Variants in CNTN4 observed in about 807,000 individuals in gnomAD.
CNTN4 encodes the protein contactin 4.
In CNTN4, 77 loss-of-function variants were observed where a neutral mutation model predicts 122.5. The observed-to-expected ratio is 0.63, with a 90% CI of 0.52 to 0.76. The LOEUF is 0.76. Ranked by LOEUF, CNTN4 falls within the 30% of genes least tolerant of loss-of-function variation. The pLI is 0.00. For missense variants in CNTN4, 1,256 were observed against 1,259.1 expected (o/e 1.00, Z 0.04); for synonymous variants, 512 against 447.0 (o/e 1.15, Z -1.83).
chr3:2,719,298 C>CTTTT (rs59683109), intron 4 of CNTN4, among the ~76,000 whole-genome samples: 1 of 141,100 alleles, frequency 7.1e-6, no homozygotes, highest in Non-Finnish European at 1.6e-5. Context: ...CAAGACTTCA[C>CTTTT]TTTTTTTTTT....
chr3:2,821,527 A>G (rs2092872533), intron 7 of CNTN4, among the ~76,000 whole-genome samples: 2 of 152,194 alleles, frequency 1.3e-5, no homozygotes, highest in East Asian at 1.9e-4. Context: ...GTCATTGATC[A>G]CCTCAGTGGC....
intron 6 of CNTN4, among the ~76,000 whole-genome samples, chr3:2,777,682 A>G (rs544282547): frequency 2.5e-4 from 38 of 152,330 alleles, no homozygotes; most frequent in South Asian, 6.2e-4. Context: ...TTTGGGAGGT[A>G]TCTCACGCAA....
chr3:2,703,553 A>G (rs1218448784), intron 4 of CNTN4, among the ~76,000 whole-genome samples: 1 of 152,188 alleles, frequency 6.6e-6, no homozygotes, highest in Non-Finnish European at 1.5e-5. Flanking sequence ...ATAGGGTACT[A>G]TGGGACAAAG....
chr3:2,133,153 T>C (rs2034529583), intron 2 of CNTN4, among the ~76,000 whole-genome samples: 1 of 152,156 alleles, frequency 6.6e-6, no homozygotes, highest in African/African-American at 2.4e-5. Flanking sequence ...GGTTGGAACT[T>C]CAACACTTAA....
chr3:2,831,965 T>G (rs947840847), intron 7 of CNTN4, among the ~76,000 whole-genome samples: 1 of 152,182 alleles, frequency 6.6e-6, no homozygotes, highest in African/African-American at 2.4e-5. Context: ...GGTGGCTGAT[T>G]TAAGGATTAT....
intron 14 of CNTN4, among the ~76,000 whole-genome samples, chr3:3,017,192 A>G (rs17024739): frequency 0.069 from 10,527 of 152,224 alleles, 446 homozygotes; most frequent in Middle Eastern, 0.19. Flanking sequence ...TCACATTTTA[A>G]TTATGTTAAC....
chr3:2,280,056 T>C (rs1407273130), intron 2 of CNTN4, among the ~76,000 whole-genome samples: 1 of 148,864 alleles, frequency 6.7e-6, no homozygotes, highest in African/African-American at 2.4e-5. Context: ...CAAGTATTCT[T>C]TTTTGATCAG....
intron 17 of CNTN4, among the ~76,000 whole-genome samples, chr3:3,035,216 G>A (rs7613465): frequency 0.31 from 46,765 of 150,792 alleles, 7,639 homozygotes; most frequent in Non-Finnish European, 0.36. Flanking sequence ...GCTGAGGTGG[G>A]AGGATTGCTT....
At chr3:2,406,294 C>CA (rs758807505) in intron 3 of CNTN4, among the ~76,000 whole-genome samples, 1 of 152,136 alleles carries the variant, frequency 6.6e-6, no homozygotes, top group Non-Finnish European at 1.5e-5. Flanking sequence ...CCTGACATGA[C>CA]ACAGTGAGAA....
intron 13 of CNTN4, among the ~76,000 whole-genome samples, chr3:2,947,189 T>G (rs2094688156): frequency 6.6e-6 from 1 of 152,212 alleles, no homozygotes; most frequent in African/African-American, 2.4e-5. Context: ...AGCAGAATAT[T>G]TTTTGCGTCT....
intron 19 of CNTN4, chr3:3,039,220 A>G (rs2125749069): frequency 1.8e-6 from 1 of 543,872 alleles, no homozygotes. Context: ...CCATCACAGT[A>G]AAAACAATTA....
At chr3:2,347,954 TTTA>T (rs962233583) in intron 3 of CNTN4, among the ~76,000 whole-genome samples, 54 of 152,270 alleles carry the variant, frequency 3.5e-4, no homozygotes, top group Admixed American at 1.2e-3. Context: ...TCATTAATCT[TTTA>T]TTATTTTTAT....
intron 5 of CNTN4, among the ~76,000 whole-genome samples, chr3:2,737,413 T>C (rs1281667738): frequency 6.6e-6 from 1 of 152,200 alleles, no homozygotes; most frequent in African/African-American, 2.4e-5. Flanking sequence ...ATCATAGATA[T>C]CCTGAAAGTC....
chr3:2,880,491 G>A (rs1317709557), intron 8 of CNTN4, among the ~76,000 whole-genome samples: 1 of 152,100 alleles, frequency 6.6e-6, no homozygotes, highest in Non-Finnish European at 1.5e-5. Context: ...CAACGGTACG[G>A]GCTGTTTGTT....
At chr3:2,486,367 A>G (rs1441927367) in intron 3 of CNTN4, among the ~76,000 whole-genome samples, 2 of 152,202 alleles carry the variant, frequency 1.3e-5, no homozygotes, top group East Asian at 3.9e-4. Context: ...ACACTATGAT[A>G]GTCTTATGTT....
chr3:2,798,345 TACTA>T (rs1220685871), intron 6 of CNTN4, among the ~76,000 whole-genome samples: 33 of 21,136 alleles, frequency 1.6e-3, no homozygotes, highest in Non-Finnish European at 5.1e-3. Flanking sequence ...TATATATACA[TACTA>T]TATCTATACA....
chr3:2,225,066 C>T (rs1000440030), intron 2 of CNTN4, among the ~76,000 whole-genome samples: 15 of 148,882 alleles, frequency 1.0e-4, no homozygotes, highest in Middle Eastern at 3.7e-3. Context: ...AGGAGAATGG[C>T]GTGAACCCGG....
At chr3:2,920,424 C>T (rs1450539533) in intron 12 of CNTN4, among the ~76,000 whole-genome samples, 2 of 151,204 alleles carry the variant, frequency 1.3e-5, no homozygotes, top group Non-Finnish European at 2.9e-5. Context: ...GTGATACATA[C>T]ACATTATACC....
intron 3 of CNTN4, among the ~76,000 whole-genome samples, chr3:2,468,295 C>T (rs1229970670): frequency 2.6e-5 from 4 of 152,136 alleles, no homozygotes; most frequent in Non-Finnish European, 5.9e-5. Context: ...TCAGGAATTT[C>T]CTCGAGACCC....
Sources: gnomAD v4.1 joint callset for allele counts (sites outside exome capture counted in the v4.1 genomes callset) on GRCh38, gnomAD v4.1.1 for gene constraint, MANE v1.5 for transcripts, NCBI Gene and HGNC (gene_info 2026-07-23, HGNC 2026-07-21) for gene names.